The following RGSL1 variants were observed in gnomAD, a reference collection of about 807,000 sequenced individuals.
The protein encoded by RGSL1 is regulator of G protein signaling like 1, also known as regulator of G protein signaling protein-like.
Under a neutral mutation model 124.7 loss-of-function variants are expected in RGSL1, and 97 were observed. The ratio of observed to expected loss-of-function variants is 0.78; its 90% CI spans 0.66 to 0.92. RGSL1 has a LOEUF of 0.92. Among genes scored for constraint, RGSL1 ranks in the 40% least tolerant of loss-of-function variants. RGSL1 has a pLI of 0.00. For missense variants in RGSL1, 1,233 were observed against 1,288.4 expected (o/e 0.96, Z 0.66); for synonymous variants, 424 against 438.1 (o/e 0.97, Z 0.40).
At chr1:182,455,330 C>G (rs547632154) in intron 2 of RGSL1, among the ~76,000 whole-genome samples, 1 of 152,254 alleles carries the variant, frequency 6.6e-6, no homozygotes, top group Non-Finnish European at 1.5e-5. Flanking sequence ...GCCTGTAACC[C>G]CAGCAATTTG....
At chr1:182,495,009 A>C (rs991013656) in intron 9 of RGSL1, among the ~76,000 whole-genome samples, 4 of 152,220 alleles carry the variant, frequency 2.6e-5, no homozygotes, top group Non-Finnish European at 5.9e-5. Flanking sequence ...ATGCTGTCTG[A>C]GACCTTGCAG....
intron 15 of RGSL1, among the ~76,000 whole-genome samples, chr1:182,541,757 G>T (rs1659904313): frequency 6.6e-6 from 1 of 152,016 alleles, no homozygotes; most frequent in Non-Finnish European, 1.5e-5. Flanking sequence ...CTGTCTTTTT[G>T]ATAATAGCGA....
At chr1:182,503,717 A>G (rs895123032) in intron 9 of RGSL1, among the ~76,000 whole-genome samples, 18 of 152,158 alleles carry the variant, frequency 1.2e-4, no homozygotes, top group African/African-American at 4.1e-4. Context: ...TATTATCAAT[A>G]ATAATTTAAT....
At chr1:182,476,765 T>G (rs1284483356) in intron 6 of RGSL1, among the ~76,000 whole-genome samples, 5 of 152,172 alleles carry the variant, frequency 3.3e-5, no homozygotes, top group Non-Finnish European at 7.3e-5. Flanking sequence ...ATGCCACCTC[T>G]CCTCTCTGGC....
intron 3 of RGSL1, among the ~76,000 whole-genome samples, chr1:182,458,830 G>T (rs1392697583): frequency 6.6e-6 from 1 of 152,140 alleles, no homozygotes; most frequent in Non-Finnish European, 1.5e-5. Flanking sequence ...GGTCCAGAGG[G>T]TAACTATAGG....
intron 14 of RGSL1, among the ~76,000 whole-genome samples, chr1:182,535,607 C>T (rs1485511554): frequency 6.6e-6 from 1 of 152,128 alleles, no homozygotes; most frequent in Admixed American, 6.6e-5. Context: ...TCAATCGGCA[C>T]CAAATATGGC....
At chr1:182,523,635 T>C (rs1658519823) in intron 10 of RGSL1, among the ~76,000 whole-genome samples, 1 of 152,122 alleles carries the variant, frequency 6.6e-6, no homozygotes, top group Non-Finnish European at 1.5e-5. Context: ...ATGACTTCAG[T>C]TAAGACCAAG....
chr1:182,482,545 A>C (rs972308640), intron 6 of RGSL1, among the ~76,000 whole-genome samples: 1 of 152,238 alleles, frequency 6.6e-6, no homozygotes, highest in African/African-American at 2.4e-5. Context: ...GTTAAAACTA[A>C]TTAGCGAATT....
At chr1:182,491,794 G>C (rs1386085272) in intron 8 of RGSL1, among the ~76,000 whole-genome samples, 2 of 152,090 alleles carry the variant, frequency 1.3e-5, no homozygotes, top group Non-Finnish European at 2.9e-5. Context: ...GAGAGTTCCA[G>C]GAGAACTCTG....
At position 182,474,512 on chromosome 1, in the gene RGSL1, G is replaced by T. The variant is rs1353428403; in HGVS notation, c.1401G>T (p.Trp467Cys). ...ELLPSGDVIP[W>C]IPKAQKEICK... ...TGCCCTCTGGGGATGTGATCCCCTG[G>T]ATTCCCAAAGCCCAGAAGGAGATTT... The change falls in exon 6 of 22, where the codon TGG becomes TGT. Residue 467 changes from tryptophan to cysteine, a missense_variant. Transcript: ENST00000294854. 1.3e-6 allele frequency: 2 copies of T among 1,547,818 alleles called. No individual in the cohort carries two copies. The highest frequency in any genetic ancestry group is 2.4e-5 in the South Asian group (2 of 83,850).
Position 182,512,949 on chromosome 1 carries a change from TTTTG to T in RGSL1, c.1826-9049_1826-9046del, listed in dbSNP as rs995177435. 5.3e-5 allele frequency among the ~76,000 whole-genome samples: 8 copies of T among 152,330 alleles called. 1 individual carries two copies. Among genetic ancestry groups the T allele is most frequent in the East Asian group, 1.9e-4 (1 of 5,188 alleles). ...ATGCCACTCTTCTGCTCCTCTGCTC[TTTTG>T]TTTGTCTGTCCATGGAGCCTGGGGT... On this transcript the variant is annotated intron_variant, in intron 9 of 21. Transcript: ENST00000294854.
At position 182,460,992 on chromosome 1, in the gene RGSL1, T is replaced by C. The variant is rs186939070; in HGVS notation, c.301+859T>C. ...AAATATTAAGGATCTGTGCTCCGAT[T>C]GCTACTTCTGATCACAGAAGTACAG... On this transcript the variant is annotated intron_variant, in intron 4 of 21. Coordinates refer to ENST00000294854, the MANE Select transcript of RGSL1 (RefSeq NM_001137669.2). Among the ~76,000 whole-genome samples, 4 of 152,300 alleles carry C rather than the reference T, an allele frequency of 2.6e-5. No individual in the cohort carries two copies. In the East Asian group the frequency reaches 7.7e-4, roughly 29 times the overall value.
At chr1:182,559,080 A>C (rs1376650612) in intron 21 of RGSL1, among the ~76,000 whole-genome samples, 2 of 152,082 alleles carry the variant, frequency 1.3e-5, no homozygotes, top group African/African-American at 4.8e-5. Flanking sequence ...AGCTCTGACT[A>C]TTCTTTCTGA....
chr1:182,490,075 T>C (rs1477441798), intron 8 of RGSL1, among the ~76,000 whole-genome samples: 2 of 152,238 alleles, frequency 1.3e-5, no homozygotes, highest in African/African-American at 4.8e-5. Context: ...AAGCAATACT[T>C]GCCCTTATTA....
At chr1:182,483,422 C>A (rs188375533) in intron 6 of RGSL1, among the ~76,000 whole-genome samples, 8 of 151,890 alleles carry the variant, frequency 5.3e-5, no homozygotes, top group African/African-American at 1.9e-4. Context: ...GTCAATCATA[C>A]CTTAATAAAG....
intron 9 of RGSL1, among the ~76,000 whole-genome samples, chr1:182,507,729 G>T (rs1454842002): frequency 6.6e-6 from 1 of 151,560 alleles, no homozygotes; most frequent in Non-Finnish European, 1.5e-5. Context: ...TTGGGACAGG[G>T]TCTGTCTCTG....
upstream of RGSL1, among the ~76,000 whole-genome samples, chr1:182,449,932 T>C (rs553517231): frequency 3.3e-5 from 5 of 152,272 alleles, no homozygotes; most frequent in South Asian, 1.0e-3. Flanking sequence ...TAGTATGAAC[T>C]AAAGGCTTAA....
intron 15 of RGSL1, among the ~76,000 whole-genome samples, chr1:182,540,989 A>G (rs1376529533): frequency 6.6e-6 from 1 of 152,170 alleles, no homozygotes; most frequent in Non-Finnish European, 1.5e-5. Context: ...AGATTTACAT[A>G]TTTTGGAGAT....
chr1:182,489,461 G>A (rs1010467660), intron 8 of RGSL1, among the ~76,000 whole-genome samples: 1 of 152,146 alleles, frequency 6.6e-6, no homozygotes, highest in Non-Finnish European at 1.5e-5. Flanking sequence ...TGGATCTGAG[G>A]GAGCCAGAGT....
Sources: allele counts gnomAD v4.1 joint callset (sites outside exome capture counted in the v4.1 genomes callset), GRCh38; gene constraint gnomAD v4.1.1; transcripts MANE v1.5; gene names NCBI Gene and HGNC (gene_info 2026-07-23, HGNC 2026-07-21).